The following LRP1B variants were observed in gnomAD, a reference collection of about 807,000 sequenced individuals.
LRP1B encodes the protein LDL receptor related protein 1B, also known as low-density lipoprotein receptor-related protein 1B.
LRP1B carries 217 observed loss-of-function variants against 556.6 expected under a neutral mutation model. The ratio of observed to expected loss-of-function variants is 0.39; its 90% CI spans 0.35 to 0.44. The LOEUF (loss-of-function observed/expected upper bound fraction) is 0.44. Among genes scored for constraint, LRP1B ranks in the 20% least tolerant of loss-of-function variants. The pLI, the probability that LRP1B is intolerant of heterozygous loss-of-function variation, is 1.00. For synonymous variants in LRP1B, 2,047 were observed against 1,865.8 expected, an observed-to-expected ratio of 1.10 and a Z score of -2.50; for missense variants, 5,053 against 5,620.8, an observed-to-expected ratio of 0.90 and a Z score of 3.23.
chr2:140,352,895 C>G, intron 76 of LRP1B, 58 bp downstream of exon 76: 1 of 1,498,500 alleles, frequency 6.7e-7, no homozygotes, highest in Non-Finnish European at 9.1e-7. Flanking sequence ...ACATTTTTCT[C>G]CATAAAATGT....
intron 18 of LRP1B, among the ~76,000 whole-genome samples, chr2:140,966,584 T>C (rs1696229657): frequency 6.6e-6 from 1 of 152,190 alleles, no homozygotes; most frequent in Admixed American, 6.5e-5. Flanking sequence ...TTTGTTGCCA[T>C]TGCTTTTGGT....
Position 141,068,494 on chromosome 2 carries a change from T to C in LRP1B, c.1014-6221A>G, listed in dbSNP as rs149411921. Among the ~76,000 whole-genome samples the C allele has an allele frequency of 9.9e-3, 1,474 of 149,404 alleles. 16 individuals are homozygous for C. The highest frequency in any genetic ancestry group is 0.028 in the Middle Eastern group (8 of 288). On this transcript the variant is annotated intron_variant, in intron 7 of 90. Coordinates refer to ENST00000389484, the MANE Select transcript of LRP1B (RefSeq NM_018557.3). ...CGGCCACCTCACCCTAATCTTATTA[T>C]GCAAATTGGGTCTTTGCCTGGCCAG... is the stretch of plus-strand genomic sequence containing the variant.
intron 1 of LRP1B, among the ~76,000 whole-genome samples, chr2:141,909,056 T>C (rs1699834550): frequency 1.3e-5 from 2 of 152,094 alleles, no homozygotes; most frequent in South Asian, 4.1e-4. Flanking sequence ...CAGATTATTA[T>C]GGAGACTTCA....
At chr2:141,814,243 C>T (rs1489353074) in intron 1 of LRP1B, among the ~76,000 whole-genome samples, 3 of 152,118 alleles carry the variant, frequency 2.0e-5, no homozygotes, top group Admixed American at 1.3e-4. Flanking sequence ...TCTGGGCTCA[C>T]AGAGTGGGTG....
In LRP1B at chr2:140,322,899, C is replaced by T. The variant is rs539486091; in HGVS notation, c.12515-811G>A. 2.6e-4 allele frequency among the ~76,000 whole-genome samples: 39 copies of T among 148,786 alleles called. 1 individual carries two copies. The highest frequency in any genetic ancestry group is 2.3e-3 in the Admixed American group (34 of 15,016). ...TACTTTTTATGAATGTGGCAATATT[C>T]AACTATGAATATAAAAAAGAACTGG... On this transcript the variant is annotated intron_variant, in intron 81 of 90. Coordinates refer to ENST00000389484, the MANE Select transcript of LRP1B (RefSeq NM_018557.3).
intron 10 of LRP1B, among the ~76,000 whole-genome samples, 197 bp downstream of exon 10, chr2:141,054,918 CA>C (rs966751607): frequency 1.3e-5 from 2 of 151,906 alleles, no homozygotes; most frequent in Non-Finnish European, 2.9e-5. Context: ...TTAGTGACTC[CA>C]GAGCCTGGTT....
At chr2:141,535,733 A>T (rs1215544393) in intron 2 of LRP1B, among the ~76,000 whole-genome samples, 1 of 152,096 alleles carries the variant, frequency 6.6e-6, no homozygotes, top group Non-Finnish European at 1.5e-5. Flanking sequence ...AATTTAAGAA[A>T]TCACCATCTT....
At chr2:141,597,433 C>A (rs910132975) in intron 2 of LRP1B, among the ~76,000 whole-genome samples, 4 of 152,024 alleles carry the variant, frequency 2.6e-5, no homozygotes, top group African/African-American at 9.7e-5. Flanking sequence ...TAAGCACAAC[C>A]CCTTCTCGCT....
intron 32 of LRP1B, among the ~76,000 whole-genome samples, chr2:140,793,745 A>G (rs898113900): frequency 6.6e-6 from 1 of 152,036 alleles, no homozygotes. Context: ...TATTTCAATA[A>G]TCATTTACCA....
intron 11 of LRP1B, among the ~76,000 whole-genome samples, chr2:141,028,545 A>C (rs1245773961): frequency 6.6e-6 from 1 of 152,074 alleles, no homozygotes; most frequent in Non-Finnish European, 1.5e-5. Flanking sequence ...GATTCAACTG[A>C]AAATTCCTGA....
At chr2:141,024,288 C>G (rs1698155772) in intron 11 of LRP1B, among the ~76,000 whole-genome samples, 2 of 152,074 alleles carry the variant, frequency 1.3e-5, no homozygotes, top group South Asian at 4.1e-4. Flanking sequence ...ATTTTCATTC[C>G]AGATTTCTCC....
At chr2:141,847,136 A>G (rs1291898788) in intron 1 of LRP1B, among the ~76,000 whole-genome samples, 1 of 151,594 alleles carries the variant, frequency 6.6e-6, no homozygotes, top group Admixed American at 6.6e-5. Flanking sequence ...TAATAAGAGA[A>G]CTCAGCAAGT....
rs563303428 is a variant in LRP1B at position 140,385,203 on chromosome 2, C to A, written c.10531+690G>T. On this transcript the variant is annotated intron_variant, in intron 67 of 90. Transcript: ENST00000389484. ...AAGGCGGCAGTGAGTCATGATCATG[C>A]CACTGCTCTCCAGCCTGAGCAACAG... Among the ~76,000 whole-genome samples, 11 of 152,218 alleles carry A rather than the reference C, an allele frequency of 7.2e-5. No individual in the cohort carries two copies. The East Asian group carries it at 1.9e-3, about 27-fold the overall frequency.
At chr2:140,728,719 C>T (rs1687676268) in intron 35 of LRP1B, among the ~76,000 whole-genome samples, 1 of 152,046 alleles carries the variant, frequency 6.6e-6, no homozygotes, top group Non-Finnish European at 1.5e-5. Flanking sequence ...AAATAACTTA[C>T]TTAAAAGGTT....
chr2:141,745,443 T>TCAC (rs963400002), intron 2 of LRP1B, among the ~76,000 whole-genome samples: 2 of 152,048 alleles, frequency 1.3e-5, no homozygotes, highest in African/African-American at 4.8e-5. Context: ...CAGAGGAGCC[T>TCAC]CACCCTATGG....
chr2:140,541,539 T>C (rs1421525370), intron 44 of LRP1B, among the ~76,000 whole-genome samples: 1 of 152,146 alleles, frequency 6.6e-6, no homozygotes, highest in Non-Finnish European at 1.5e-5. Flanking sequence ...CCTGTGATGA[T>C]AAATTATGCA....
chr2:141,563,173 T>C (rs751025922), intron 2 of LRP1B, among the ~76,000 whole-genome samples: 1 of 151,990 alleles, frequency 6.6e-6, no homozygotes, highest in Non-Finnish European at 1.5e-5. Context: ...GACAGAGTAG[T>C]TCAGGGTTTA....
At chr2:141,796,578 C>CT (rs75317117) in intron 2 of LRP1B, among the ~76,000 whole-genome samples, 2,645 of 127,538 alleles carry the variant, frequency 0.021, 43 homozygotes, top group African/African-American at 0.04. Context: ...GCATTTTATT[C>CT]TTTTTTTTTT....
chr2:140,332,266 C>A (rs1680853085), intron 79 of LRP1B, among the ~76,000 whole-genome samples: 1 of 152,024 alleles, frequency 6.6e-6, no homozygotes, highest in African/African-American at 2.4e-5. Flanking sequence ...TGACACAATT[C>A]TTACCTTTTG....
Sources: allele counts gnomAD v4.1 joint callset (sites outside exome capture counted in the v4.1 genomes callset), GRCh38; gene constraint gnomAD v4.1.1; transcripts MANE v1.5; gene names NCBI Gene and HGNC (gene_info 2026-07-23, HGNC 2026-07-21).